The following GABRB2 variants were observed in gnomAD, a reference collection of about 807,000 sequenced individuals.
The protein encoded by GABRB2 is gamma-aminobutyric acid receptor subunit beta-2.
In GABRB2, 16 loss-of-function variants were observed where a neutral mutation model predicts 54.7. That is an observed-to-expected ratio of 0.29 (90% CI 0.20 to 0.44). The LOEUF is 0.44. Ranked by LOEUF, GABRB2 falls within the 20% of genes least tolerant of loss-of-function variation. The pLI, the probability that GABRB2 is intolerant of heterozygous loss-of-function variation, is 1.00. For synonymous variants in GABRB2, 244 were observed against 233.8 expected, an observed-to-expected ratio of 1.04 and a Z score of -0.40; for missense variants, 355 against 644.0, an observed-to-expected ratio of 0.55 and a Z score of 4.86.
Position 161,291,168 on chromosome 5 carries a change from C to T in GABRB2, c.*2913G>A, listed in dbSNP as rs766266138. The T allele has an allele frequency of 2.6e-5, 4 of 152,506 alleles. No individual in the cohort carries two copies. Among genetic ancestry groups the T allele is most frequent in the Non-Finnish European group, 5.9e-5 (4 of 68,012 alleles). 9.4% of individuals were successfully genotyped at this position (152,506 alleles called of 1,614,324 possible). A position where few individuals can be genotyped will look rare whatever the true frequency, so the allele number is the denominator to read the frequency against. ...ATATACAGATTGAGATCAAAGATTTCATGTAGACTGTGCATTTTAGAGTCA... is the reference window on the plus strand; with the variant it reads ...ATATACAGATTGAGATCAAAGATTTTATGTAGACTGTGCATTTTAGAGTCA... On this transcript the variant is annotated 3_prime_UTR_variant, in exon 10 of 10. Coordinates refer to ENST00000393959, the MANE Select transcript of GABRB2 (RefSeq NM_001371727.1).
chr5:161,542,058 A>G (rs1409886193), intron 3 of GABRB2, among the ~76,000 whole-genome samples: 2 of 152,188 alleles, frequency 1.3e-5, no homozygotes, highest in Admixed American at 6.5e-5. Flanking sequence ...AACCTCACAG[A>G]GAGGGAGACG....
intron 7 of GABRB2, among the ~76,000 whole-genome samples, chr5:161,333,190 A>G (rs1753902804): frequency 6.6e-6 from 1 of 152,236 alleles, no homozygotes; most frequent in Non-Finnish European, 1.5e-5. Flanking sequence ...GACATGTTTC[A>G]ACTTTGGAAA....
intron 3 of GABRB2, among the ~76,000 whole-genome samples, chr5:161,502,468 C>T (rs1394359887): frequency 6.6e-6 from 1 of 152,062 alleles, no homozygotes; most frequent in African/African-American, 2.4e-5. Flanking sequence ...ACTTCTGGTT[C>T]TGACTATGAG....
chr5:161,509,129 C>T (rs1214560783), intron 3 of GABRB2, among the ~76,000 whole-genome samples: 1 of 151,884 alleles, frequency 6.6e-6, no homozygotes, highest in East Asian at 1.9e-4. Context: ...AAATAAGAGA[C>T]ATAAAACACG....
At chr5:161,315,681 T>C (rs1271308235) in intron 9 of GABRB2, among the ~76,000 whole-genome samples, 1 of 152,204 alleles carries the variant, frequency 6.6e-6, no homozygotes, top group Non-Finnish European at 1.5e-5. Context: ...AGATACATAG[T>C]AATTATACAT....
chr5:161,424,155 GT>G (rs1756930638), intron 4 of GABRB2, among the ~76,000 whole-genome samples: 1 of 152,286 alleles, frequency 6.6e-6, no homozygotes, highest in South Asian at 2.1e-4. Context: ...GCAAGGTGAA[GT>G]TCAAATGCTG....
rs144846178 is a variant in GABRB2 at position 161,417,493 on chromosome 5, T to C, written c.459-6436A>G. 7.4e-3 allele frequency among the ~76,000 whole-genome samples: 1,132 copies of C among 152,320 alleles called. 15 individuals are homozygous for C. Among genetic ancestry groups the C allele is most frequent in the African/African-American group, 0.025 (1,024 of 41,566 alleles). On this transcript the variant is annotated intron_variant, in intron 4 of 9. Coordinates refer to ENST00000393959, the MANE Select transcript of GABRB2 (RefSeq NM_001371727.1). ...CCAGAGACCACATTTTTAACTAGAA[T>C]GTGGTAGCTAACTTCCTAGTTGAAC... is the stretch of plus-strand genomic sequence containing the variant.
At chr5:161,410,944 C>G (rs779175652) in intron 5 of GABRB2, 31 bp downstream of exon 5, 1 of 1,558,878 alleles carries the variant, frequency 6.4e-7, no homozygotes, top group Non-Finnish European at 8.8e-7. Context: ...AAAGCAGAGT[C>G]CAGTCTAGCT....
intron 3 of GABRB2, among the ~76,000 whole-genome samples, chr5:161,524,205 C>T (rs1760203658): frequency 1.3e-5 from 2 of 151,264 alleles, no homozygotes; most frequent in South Asian, 4.1e-4. Flanking sequence ...TTAATGTAAA[C>T]ATTAATGTTC....
At chr5:161,506,754 A>G (rs1759617267) in intron 3 of GABRB2, among the ~76,000 whole-genome samples, 1 of 152,150 alleles carries the variant, frequency 6.6e-6, no homozygotes, top group African/African-American at 2.4e-5. Flanking sequence ...AAGTAGAGCA[A>G]TGGAGCCAAC....
At chr5:161,495,536 G>A (rs1483024829) in intron 3 of GABRB2, among the ~76,000 whole-genome samples, 2 of 151,648 alleles carry the variant, frequency 1.3e-5, no homozygotes, top group African/African-American at 4.8e-5. Context: ...AAATTATCCT[G>A]ATAGTTCACT....
intron 3 of GABRB2, among the ~76,000 whole-genome samples, chr5:161,486,701 T>C (rs765160206): frequency 6.6e-5 from 10 of 151,846 alleles, no homozygotes; most frequent in Non-Finnish European, 1.5e-4. Flanking sequence ...AAGACAGATA[T>C]GCTTTTCCCT....
At chr5:161,472,521 G>C (rs1481708646) in intron 3 of GABRB2, among the ~76,000 whole-genome samples, 1 of 151,410 alleles carries the variant, frequency 6.6e-6, no homozygotes, top group Non-Finnish European at 1.5e-5. Context: ...ATTATTTCTC[G>C]GGTGGGGGTG....
chr5:161,405,221 C>T (rs1416405705), intron 5 of GABRB2, among the ~76,000 whole-genome samples: 1 of 152,064 alleles, frequency 6.6e-6, no homozygotes, highest in East Asian at 1.9e-4. Flanking sequence ...CACTCCAGTT[C>T]CTTCTACTGG....
At chr5:161,419,050 C>T (rs1756769064) in intron 4 of GABRB2, among the ~76,000 whole-genome samples, 1 of 152,124 alleles carries the variant, frequency 6.6e-6, no homozygotes, top group South Asian at 2.1e-4. Context: ...TCACCTGAGC[C>T]TTGGAGATCA....
chr5:161,532,874 T>C (rs1760506424), intron 3 of GABRB2, among the ~76,000 whole-genome samples: 1 of 152,164 alleles, frequency 6.6e-6, no homozygotes, highest in African/African-American at 2.4e-5. Context: ...CTAAATTGAA[T>C]GGCATGTGAG....
intron 9 of GABRB2, among the ~76,000 whole-genome samples, chr5:161,324,527 A>G (rs1348394876): frequency 6.6e-6 from 1 of 152,166 alleles, no homozygotes; most frequent in Admixed American, 6.5e-5. Context: ...CAGTTGAGGA[A>G]TTAAAGCTTG....
At chr5:161,448,861 C>A (rs934781076) in intron 4 of GABRB2, among the ~76,000 whole-genome samples, 3 of 152,074 alleles carry the variant, frequency 2.0e-5, no homozygotes, top group South Asian at 2.1e-4. Flanking sequence ...GAGGAATGTA[C>A]TTTATGTGCT....
chr5:161,468,602 A>G (rs1758345736), intron 3 of GABRB2, among the ~76,000 whole-genome samples: 1 of 151,980 alleles, frequency 6.6e-6, no homozygotes, highest in African/African-American at 2.4e-5. Context: ...TTTTCAGTTA[A>G]TAACATTCAT....
Sources: gnomAD v4.1 joint callset for allele counts (sites outside exome capture counted in the v4.1 genomes callset) on GRCh38, gnomAD v4.1.1 for gene constraint, MANE v1.5 for transcripts, NCBI Gene and HGNC (gene_info 2026-07-23, HGNC 2026-07-21) for gene names.